The following POU3F3 variants were observed in gnomAD, a reference collection of about 807,000 sequenced individuals.
POU3F3 encodes POU class 3 homeobox 3, also known as POU domain, class 3, transcription factor 3.
Under a neutral mutation model 8.6 loss-of-function variants are expected in POU3F3, and 1 was observed. The observed-to-expected ratio is 0.12, with a 90% confidence interval of 0.04 to 0.55. POU3F3 has a LOEUF of 0.55. Among genes scored for constraint, POU3F3 ranks in the 20% least tolerant of loss-of-function variants. The probability of loss-of-function intolerance (pLI) is 0.91; values close to 1 mark genes in which losing one functional copy is unlikely to be tolerated. For missense variants in POU3F3, 577 were observed against 690.7 expected (o/e 0.84, Z 1.84); for synonymous variants, 418 against 327.4 (o/e 1.28, Z -2.99).
chr2:104,905,791 A>G, the POU3F3 span, among the ~76,000 whole-genome samples: 1 of 152,180 alleles, frequency 6.6e-6, no homozygotes, highest in South Asian at 2.1e-4. Flanking sequence ...TCTTATAAAA[A>G]CACTGGTTCT....
At chr2:104,913,708 C>T in the POU3F3 span, among the ~76,000 whole-genome samples, 105,890 of 152,116 alleles carry the variant, frequency 0.7, 37,286 homozygotes, top group East Asian at 0.81. Context: ...AACCTTTTCA[C>T]TGAAGTATAA....
At chr2:104,872,611 C>T in the POU3F3 span, 1 of 263,148 alleles carries the variant, frequency 3.8e-6, no homozygotes. The surrounding 1 kb of genome is among the most constrained non-coding windows in gnomAD (Gnocchi z 4.6). Context: ...GCCCGGGTCT[C>T]GGCGCGCGCG....
the POU3F3 span, among the ~76,000 whole-genome samples, chr2:104,899,948 T>C: frequency 6.6e-6 from 1 of 152,204 alleles, no homozygotes; most frequent in African/African-American, 2.4e-5. Flanking sequence ...TGTGGGTGTG[T>C]GTCCAAGTGC....
the POU3F3 span, among the ~76,000 whole-genome samples, chr2:104,904,392 G>T: frequency 1.3e-5 from 2 of 151,972 alleles, no homozygotes; most frequent in African/African-American, 4.8e-5. Flanking sequence ...AGTGAAATGG[G>T]TATAGCAAAA....
the POU3F3 span, among the ~76,000 whole-genome samples, chr2:104,912,650 C>T: frequency 6.6e-6 from 1 of 152,192 alleles, no homozygotes; most frequent in African/African-American, 2.4e-5. Context: ...TGTAAGGGTG[C>T]TCCAAGCCTG....
At position 104,855,668 on chromosome 2, in the gene POU3F3, C is replaced by T; in HGVS notation, c.158C>T (p.Pro53Leu). 9.2e-7 allele frequency: 1 copy of T among 1,084,098 alleles called. No homozygotes were observed. Among genetic ancestry groups the T allele is most frequent in the Non-Finnish European group, 1.1e-6 (1 of 886,892 alleles). 67.2% of individuals were successfully genotyped at this position (1,084,098 alleles called of 1,614,324 possible). Residue 53 changes from proline to leucine, a missense_variant, in exon 1 of 1, where the codon CCG becomes CTG. Pro to Leu is a moderately conservative substitution (Grantham distance 98, BLOSUM62 -3). This residue lies in a region of POU3F3 where 484 missense variants were observed against 422.6 expected (regional missense o/e 1.15). Transcript: ENST00000361360. ...GAGGGGGGMQ[P>L]GSAAVTSGAY... ...GGGGGCGGGGGCGGCGGCATGCAGC[C>T]GGGCAGCGCCGCCGTGACCTCGGGC...
At chr2:104,919,129 C>A in the POU3F3 span, among the ~76,000 whole-genome samples, 1 of 152,154 alleles carries the variant, frequency 6.6e-6, no homozygotes, top group Non-Finnish European at 1.5e-5. Context: ...CCTCGGCCTC[C>A]CAAAGTGCTG....
At chr2:104,865,897 C>G in the POU3F3 span, 1 of 152,114 alleles carries the variant, frequency 6.6e-6, no homozygotes, top group Non-Finnish European at 1.5e-5. Flanking sequence ...AGAAACTAAC[C>G]AAATGAAATG....
the POU3F3 span, among the ~76,000 whole-genome samples, chr2:104,921,952 A>G: frequency 5.3e-5 from 8 of 152,220 alleles, no homozygotes; most frequent in Admixed American, 2.0e-4. Context: ...AGCTGAGATC[A>G]CTCCACTGCA....
At chr2:104,916,859 G>A in the POU3F3 span, among the ~76,000 whole-genome samples, 1 of 152,106 alleles carries the variant, frequency 6.6e-6, no homozygotes, top group African/African-American at 2.4e-5. Context: ...CCAGATAGTT[G>A]GTAAAACACC....
chr2:104,856,320 C>G lies in POU3F3; in HGVS notation c.810C>G (p.His270Gln). 7.1e-7 allele frequency: 1 copy of G among 1,399,986 alleles called. No individual in the cohort carries two copies. 86.7% of individuals were successfully genotyped at this position (1,399,986 alleles called of 1,614,324 possible). A position where few individuals can be genotyped will look rare whatever the true frequency, so the allele number is the denominator to read the frequency against. The change falls in exon 1 of 1, where the codon CAC becomes CAG. Residue 270 changes from histidine to glutamine, a missense_variant. Coordinates refer to ENST00000361360, the MANE Select transcript of POU3F3 (RefSeq NM_006236.3). ...VRGDTPELAEHHHHHHHHAHP... is the reference protein window; with the variant it reads ...VRGDTPELAEQHHHHHHHAHP... ...GGGACACGCCAGAGCTGGCCGAGCA[C>G]CACCACCACCACCACCACCACGCGC...
chr2:104,926,330 T>C, the POU3F3 span, among the ~76,000 whole-genome samples: 1 of 152,190 alleles, frequency 6.6e-6, no homozygotes, highest in Non-Finnish European at 1.5e-5. Flanking sequence ...AAGACATTTA[T>C]GTGGCCAATA....
At chr2:104,884,721 C>T in the POU3F3 span, among the ~76,000 whole-genome samples, 1 of 152,132 alleles carries the variant, frequency 6.6e-6, no homozygotes, top group Non-Finnish European at 1.5e-5. Flanking sequence ...AGCAGTCAGC[C>T]ATGTAGTCTT....
At chr2:104,870,202 C>A in the POU3F3 span, among the ~76,000 whole-genome samples, 1 of 152,170 alleles carries the variant, frequency 6.6e-6, no homozygotes, top group South Asian at 2.1e-4. Flanking sequence ...TAATACCACG[C>A]CATCCTGTTA....
At chr2:104,908,980 T>G in the POU3F3 span, among the ~76,000 whole-genome samples, 1 of 152,316 alleles carries the variant, frequency 6.6e-6, no homozygotes, top group South Asian at 2.1e-4. Flanking sequence ...CTTGCACTTT[T>G]TAAAGATTCC....
chr2:104,856,809 G>C lies in POU3F3; in HGVS notation c.1299G>C (p.Ala433=). ...SHFLKCPKPS[A]QEITNLADSL... is the part of the protein sequence containing the mutation. ...TCCTCAAGTGCCCCAAGCCCTCCGC[G>C]CAGGAGATCACCAACCTGGCCGACA... Residue 433 remains alanine, a synonymous_variant, in exon 1 of 1, where the codon GCG becomes GCC. Coordinates refer to ENST00000361360, the MANE Select transcript of POU3F3 (RefSeq NM_006236.3). 1.2e-6 allele frequency: 2 copies of C among 1,614,102 alleles called. No homozygotes were observed. Among genetic ancestry groups the C allele is most frequent in the Non-Finnish European group, 1.7e-6 (2 of 1,180,012 alleles).
the POU3F3 span, among the ~76,000 whole-genome samples, chr2:104,888,938 G>A: frequency 6.6e-6 from 1 of 152,196 alleles, no homozygotes; most frequent in Non-Finnish European, 1.5e-5. Flanking sequence ...TTTGTTTCCA[G>A]CTGTCCTACT....
the POU3F3 span, among the ~76,000 whole-genome samples, chr2:104,880,935 C>A: frequency 6.6e-6 from 1 of 152,144 alleles, no homozygotes; most frequent in Non-Finnish European, 1.5e-5. Context: ...CTCAACTTAT[C>A]GCCTCAATGC....
chr2:104,892,921 CTCTT>C, the POU3F3 span, among the ~76,000 whole-genome samples: 8 of 152,072 alleles, frequency 5.3e-5, no homozygotes, highest in African/African-American at 1.9e-4. Context: ...GAGGACAGCT[CTCTT>C]TGAGAGGTTT....
Sources: allele counts gnomAD v4.1 joint callset (sites outside exome capture counted in the v4.1 genomes callset), GRCh38; gene constraint gnomAD v4.1.1; regional missense constraint gnomAD v4.1.1; non-coding constraint Gnocchi (gnomAD v3.1); transcripts MANE v1.5; gene names NCBI Gene and HGNC (gene_info 2026-07-23, HGNC 2026-07-21).